Variants in DPY19L3 observed in about 807,000 individuals in gnomAD.
DPY19L3 encodes protein C-mannosyl-transferase DPY19L3.
In DPY19L3, 51 loss-of-function variants were observed where a neutral mutation model predicts 92.3. That is an observed-to-expected ratio of 0.55 (90% CI 0.44 to 0.70). The LOEUF (loss-of-function observed/expected upper bound fraction) is 0.70, where lower values mean the gene tolerates loss of function less well. DPY19L3 is among the 30% of genes least tolerant of loss of function. DPY19L3 has a pLI of 0.00. For synonymous variants in DPY19L3, 309 were observed against 315.2 expected, an observed-to-expected ratio of 0.98 and a Z score of 0.21; for missense variants, 706 against 855.9, an observed-to-expected ratio of 0.82 and a Z score of 2.18.
In DPY19L3 at chr19:32,430,298, A is replaced by G. The variant is rs750007773; in HGVS notation, c.238-2418A>G. Among the ~76,000 whole-genome samples, 106 of 152,146 alleles carry G rather than the reference A, an allele frequency of 7.0e-4. 1 individual carries two copies. The highest frequency in any genetic ancestry group is 1.4e-3 in the Non-Finnish European group (92 of 67,990). On this transcript the variant is annotated intron_variant, in intron 3 of 18. Coordinates refer to ENST00000392250, the MANE Select transcript of DPY19L3 (RefSeq NM_001172774.2). ...CAGCTACTTGGAAGCCGAGAGGATC[A>G]CTTGACCCTGACACGCAAAGGCTAC...
intron 4 of DPY19L3, among the ~76,000 whole-genome samples, chr19:32,436,028 C>A (rs1188276646): frequency 2.0e-5 from 3 of 152,262 alleles, no homozygotes; most frequent in Non-Finnish European, 4.4e-5. Context: ...TGGCTTACAT[C>A]CACTTACATG....
At chr19:32,427,580 C>T (rs1037164993) in intron 3 of DPY19L3, among the ~76,000 whole-genome samples, 3 of 152,268 alleles carry the variant, frequency 2.0e-5, no homozygotes, top group African/African-American at 4.8e-5. Context: ...AATAGTAGTA[C>T]GGTAGTGCTA....
chr19:32,465,572 C>T (rs1410124587), intron 15 of DPY19L3, among the ~76,000 whole-genome samples: 1 of 151,934 alleles, frequency 6.6e-6, no homozygotes. Context: ...TGTAGAACCC[C>T]TGATTTGGGA....
At chr19:32,410,449 A>G (rs993364744) in intron 2 of DPY19L3, among the ~76,000 whole-genome samples, 3 of 152,104 alleles carry the variant, frequency 2.0e-5, no homozygotes, top group Admixed American at 6.6e-5. Flanking sequence ...TTCCCCCCAG[A>G]GCATTCCTGC....
intron 2 of DPY19L3, among the ~76,000 whole-genome samples, chr19:32,410,429 C>G (rs1295426666): frequency 1.6e-4 from 25 of 152,078 alleles, no homozygotes; most frequent in Non-Finnish European, 2.9e-5. Flanking sequence ...ATTATTTATT[C>G]TGTGGGTTTT....
At chr19:32,470,954 G>C (rs998169934) in intron 16 of DPY19L3, among the ~76,000 whole-genome samples, 16 of 151,968 alleles carry the variant, frequency 1.1e-4, no homozygotes, top group African/African-American at 1.7e-4. Flanking sequence ...AGCATAAGTG[G>C]TGATGAATGT....
Position 32,464,763 on chromosome 19 carries a change from A to T in DPY19L3, c.1593A>T (p.Ile531=). 1 of 1,531,348 alleles carries T rather than the reference A, an allele frequency of 6.5e-7. No individual in the cohort carries two copies. The highest frequency in any genetic ancestry group is 8.9e-7 in the Non-Finnish European group (1 of 1,125,086). 94.9% of individuals were successfully genotyped at this position (1,531,348 alleles called of 1,614,324 possible). A position where few individuals can be genotyped will look rare whatever the true frequency, so the allele number is the denominator to read the frequency against. Residue 531 remains isoleucine (I), a synonymous_variant, in exon 15 of 19, where the codon ATA becomes ATT. Coordinates refer to ENST00000392250, the MANE Select transcript of DPY19L3 (RefSeq NM_001172774.2). ...CIMRYSVPIL[I]LLYLCYKFWP... is the part of the protein sequence containing the mutation. ...TGCGATATTCAGTACCGATATTAAT[A>T]CTGCTGTATCTATGCTATAAGGTAA...
At chr19:32,481,777 C>G in intron 18 of DPY19L3, 1 of 241,336 alleles carries the variant, frequency 4.1e-6, no homozygotes, top group African/African-American at 2.2e-5. Flanking sequence ...CTCTGTATTT[C>G]ATTTCTATGA....
At chr19:32,432,677 C>T in intron 3 of DPY19L3, 39 bp from the exon 4 acceptor site, 2 of 1,562,274 alleles carry the variant, frequency 1.3e-6, no homozygotes, top group Non-Finnish European at 1.8e-6. Context: ...TTAAACAAAA[C>T]TAGGTCACAT....
Position 32,408,268 on chromosome 19 carries a change from G to A in DPY19L3, c.15G>A (p.Arg5=), listed in dbSNP as rs146388434. Residue 5 remains arginine (R), a synonymous_variant, in exon 2 of 19, where the codon CGG becomes CGA. Coordinates refer to ENST00000392250, the MANE Select transcript of DPY19L3 (RefSeq NM_001172774.2). ...AGTCTGACATCATGATGTCCATCCGGCAAAGAAGAGAAATAAGAGCCACAG... is the reference window on the plus strand; with the variant it reads ...AGTCTGACATCATGATGTCCATCCGACAAAGAAGAGAAATAAGAGCCACAG... MMSI[R]QRREIRATEV... The A allele has an allele frequency of 4.2e-5, 68 of 1,612,462 alleles. No homozygotes were observed. Among genetic ancestry groups the A allele is most frequent in the Non-Finnish European group, 5.6e-5 (66 of 1,179,656 alleles).
intron 12 of DPY19L3, among the ~76,000 whole-genome samples, chr19:32,459,825 G>A (rs993997592): frequency 2.6e-5 from 4 of 152,324 alleles, no homozygotes; most frequent in Admixed American, 1.3e-4. Context: ...TAGAGGAAAA[G>A]CACTACATGA....
intron 16 of DPY19L3, 131 bp from the exon 17 acceptor site, chr19:32,477,391 C>T (rs776032240): frequency 1.2e-5 from 15 of 1,212,990 alleles, no homozygotes; most frequent in South Asian, 3.1e-5. Context: ...AGCAAACTCC[C>T]GTTTTTTTTC....
At chr19:32,476,620 T>A (rs1434631274) in intron 16 of DPY19L3, among the ~76,000 whole-genome samples, 1 of 151,712 alleles carries the variant, frequency 6.6e-6, no homozygotes, top group Admixed American at 6.6e-5. Flanking sequence ...GCTTTTCCTA[T>A]ATTCTGGGAG....
At chr19:32,463,639 C>G in intron 13 of DPY19L3, 151 bp downstream of exon 13, 1 of 1,030,044 alleles carries the variant, frequency 9.7e-7, no homozygotes, top group Non-Finnish European at 1.4e-6. Context: ...GTATAAAATA[C>G]TCAACATCAG....
intron 3 of DPY19L3, among the ~76,000 whole-genome samples, chr19:32,423,402 A>ATTTTTTT (rs71176123): frequency 1.2e-5 from 1 of 82,228 alleles, no homozygotes; most frequent in Non-Finnish European, 2.4e-5. Context: ...TGCCCAGCTA[A>ATTTTTTT]TTTTTTTTTT....
chr19:32,439,173 T>C lies in DPY19L3; in HGVS notation c.658T>C (p.Phe220Leu). 6.2e-7 allele frequency: 1 copy of C among 1,613,732 alleles called. No homozygotes were observed. Among genetic ancestry groups the C allele is most frequent in the Non-Finnish European group, 8.5e-7 (1 of 1,179,698 alleles). The change falls in exon 7 of 19, where the codon TTT (phenylalanine) becomes CTT (leucine). Residue 220 changes from phenylalanine to leucine, a missense_variant. Phe to Leu is a conservative substitution (Grantham distance 22, BLOSUM62 0). Coordinates refer to ENST00000392250, the MANE Select transcript of DPY19L3 (RefSeq NM_001172774.2). Reference sequence around the variant, plus strand: ...GAGGGAGAACTGGGCGCTGCCATTCTTTGCAATTCAGATAGCAGCAATTAC... The same window carrying C: ...GAGGGAGAACTGGGCGCTGCCATTCCTTGCAATTCAGATAGCAGCAATTAC... ...PLRENWALPF[F>L]AIQIAAITYF...
At chr19:32,463,133 T>A (rs1970092501) in intron 12 of DPY19L3, among the ~76,000 whole-genome samples, 1 of 152,178 alleles carries the variant, frequency 6.6e-6, no homozygotes, top group Non-Finnish European at 1.5e-5. Flanking sequence ...CACTTTAAAT[T>A]TTTACTTCAA....
At chr19:32,465,819 TA>T (rs949632531) in intron 15 of DPY19L3, among the ~76,000 whole-genome samples, 4 of 152,180 alleles carry the variant, frequency 2.6e-5, no homozygotes, top group Admixed American at 6.5e-5. Context: ...TCCTAGATAT[TA>T]AAAAACACAC....
intron 3 of DPY19L3, chr19:32,411,675 C>T (rs1968188180): frequency 2.8e-6 from 1 of 351,730 alleles, no homozygotes; most frequent in South Asian, 9.5e-5. Flanking sequence ...TCAGGTGATT[C>T]TTCTGGCTTA....
Sources: gnomAD v4.1 joint callset for allele counts (sites outside exome capture counted in the v4.1 genomes callset) on GRCh38, gnomAD v4.1.1 for gene constraint, MANE v1.5 for transcripts, NCBI Gene and HGNC (gene_info 2026-07-23, HGNC 2026-07-21) for gene names.